ZNF550: variants seen among roughly 807,000 people sequenced by gnomAD.
ZNF550 encodes zinc finger protein 550.
Under a neutral mutation model 40.2 loss-of-function variants are expected in ZNF550, and 42 were observed. The observed-to-expected ratio is 1.05, with a 90% CI of 0.82 to 1.35. ZNF550 has a LOEUF of 1.35. Ranked by LOEUF, ZNF550 falls within the 40% of genes most tolerant of loss-of-function variation. ZNF550 has a pLI of 0.00. For missense variants in ZNF550, 549 were observed against 525.2 expected (o/e 1.05, Z -0.44); for synonymous variants, 223 against 198.6 (o/e 1.12, Z -1.03).
rs1488861056 is a variant in ZNF550 at position 57,554,738 on chromosome 19, T to A, written c.154+1493A>T. On this transcript the variant is annotated intron_variant, in intron 2 of 4. Transcript: ENST00000457177. The surrounding 1 kb of genome is among the most constrained non-coding windows in gnomAD (Gnocchi z 4.5). ...GTGCTACATGCCTGGCTTTGAGTTCTGGGACAGGGCTGTGGGAAAGGTGAA... is the reference window on the plus strand; with the variant it reads ...GTGCTACATGCCTGGCTTTGAGTTCAGGGACAGGGCTGTGGGAAAGGTGAA... 3 of 152,268 alleles carry A rather than the reference T, an allele frequency of 2.0e-5. No homozygotes were observed. The highest frequency in any genetic ancestry group is 7.2e-5 in the African/African-American group (3 of 41,462). The allele number at this position is 152,268 out of a possible 1,614,324, so 9.4% of individuals were successfully genotyped here. A position where few individuals can be genotyped will look rare whatever the true frequency, so the allele number is the denominator to read the frequency against.
At chr19:57,551,281 A>G (rs2090070628) in intron 3 of ZNF550, among the ~76,000 whole-genome samples, 1 of 152,126 alleles carries the variant, frequency 6.6e-6, no homozygotes, top group Non-Finnish European at 1.5e-5. Context: ...GCTGCTGGGG[A>G]AGTGGTGAAA....
exon 4 of ZNF550, chr19:57,547,548 T>C (rs1289531186): frequency 3.1e-6 from 5 of 1,614,088 alleles, no homozygotes; most frequent in Non-Finnish European, 4.2e-6. Flanking sequence ...ATGCATTGCA[T>C]TCATAGGGTT....
chr19:57,547,192 G>T (rs1240758433), exon 4 of ZNF550: 1 of 1,611,526 alleles, frequency 6.2e-7, no homozygotes, highest in African/African-American at 1.3e-5. Flanking sequence ...GCATCTGAAG[G>T]CCTTTCCACA....
chr19:57,546,877 A>C (rs1330721336), exon 4 of ZNF550: 11 of 1,459,936 alleles, frequency 7.5e-6, no homozygotes, highest in East Asian at 2.3e-5. Flanking sequence ...CATTCTTTGC[A>C]TTCGAAGGAC....
At chr19:57,546,878 T>C (rs1548475) in exon 4 of ZNF550, 1,096,116 of 1,456,592 alleles carry the variant, frequency 0.75, 414,558 homozygotes, top group South Asian at 0.91. Flanking sequence ...ATTCTTTGCA[T>C]TCGAAGGACT....
chr19:57,552,714 C>T (rs1331129537), exon 3 of ZNF550: 5 of 1,597,752 alleles, frequency 3.1e-6, no homozygotes, highest in African/African-American at 2.7e-5. Flanking sequence ...GGTTTGGGAA[C>T]CCGATGCCCT....
chr19:57,546,800 C>T, exon 4 of ZNF550: 1 of 1,389,628 alleles, frequency 7.2e-7, no homozygotes, highest in Non-Finnish European at 9.3e-7. Context: ...CACAGGGCTT[C>T]TCTCCAAAGT....
In ZNF550 at chr19:57,547,077, G is replaced by A. The variant is rs116624281; in HGVS notation, c.1167C>T (p.His389=). The A allele has an allele frequency of 2.2e-3, 3,515 of 1,613,874 alleles. 77 individuals are homozygous for A. In the African/African-American group the frequency reaches 0.042, roughly 19 times the overall value. The change falls in exon 4 of 5, where the codon CAC becomes CAT. Residue 389 remains histidine, a synonymous_variant. Transcript: ENST00000457177. ...GCATCTCCCCAGTGTGGATGACAGA[G>A]TGCTGAATGAGGTACGTGCTCCGGT... is the stretch of plus-strand genomic sequence containing the variant.
At position 57,547,513 on chromosome 19, in the gene ZNF550, G is replaced by C; in HGVS notation, c.731C>G (p.Ser244Ter). ...GATGAGGTAGTGCCGAATGAGAGTTGAGCTCTGGCTAAAGGCTTTCCCACA... is the reference window on the plus strand; with the variant it reads ...GATGAGGTAGTGCCGAATGAGAGTTCAGCTCTGGCTAAAGGCTTTCCCACA... The change falls in exon 4 of 5, where the codon TCA becomes TGA. Residue 244 changes from serine (S) to a stop codon, truncating the protein, a stop_gained. Transcript: ENST00000457177. LOFTEE classifies it high-confidence loss of function. 6.2e-7 allele frequency: 1 copy of C among 1,614,012 alleles called. No homozygotes were observed.
At chr19:57,543,340 C>T in intron 4 of ZNF550, 1 of 311,014 alleles carries the variant, frequency 3.2e-6, no homozygotes, top group Non-Finnish European at 4.7e-6. Context: ...CATCCCTTCC[C>T]TCCCTCTACA....
intron 1 of ZNF550, chr19:57,557,190 A>G (rs1289597454): frequency 6.6e-6 from 1 of 151,860 alleles, no homozygotes; most frequent in African/African-American, 2.4e-5. Flanking sequence ...TTGAGATAAG[A>G]GGAAGGCATC....
At chr19:57,544,584 C>G in intron 4 of ZNF550, 1 of 985,126 alleles carries the variant, frequency 1.0e-6, no homozygotes, top group African/African-American at 1.7e-5. Flanking sequence ...GCACTCTGTC[C>G]TGAAAAAACA....
At chr19:57,559,067 C>T (rs1405911155) in intron 1 of ZNF550, among the ~76,000 whole-genome samples, 31 of 152,186 alleles carry the variant, frequency 2.0e-4, no homozygotes, top group Non-Finnish European at 2.9e-5. Flanking sequence ...CTTTCAGCCG[C>T]TGCCCTTCGT....
intron 1 of ZNF550, 31 bp downstream of exon 1, chr19:57,559,625 T>C: frequency 6.8e-7 from 1 of 1,467,830 alleles, no homozygotes; most frequent in Non-Finnish European, 9.1e-7. Context: ...TGAGGCCGGG[T>C]GGCCGCGGGG....
chr19:57,552,515 G>C (rs1284649958), intron 3 of ZNF550, 112 bp downstream of exon 3: 1 of 795,406 alleles, frequency 1.3e-6, no homozygotes, highest in Non-Finnish European at 2.0e-6. Flanking sequence ...GAAACAACCA[G>C]GCCCCCGGAA....
At chr19:57,555,681 T>G (rs946792470) in intron 2 of ZNF550, 1 of 162,744 alleles carries the variant, frequency 6.1e-6, no homozygotes, top group African/African-American at 2.4e-5. Context: ...ACAGAGAAAG[T>G]AAAAGGAATG....
At chr19:57,557,519 CAATA>C (rs978534339) in intron 1 of ZNF550, 1 of 152,142 alleles carries the variant, frequency 6.6e-6, no homozygotes, top group Non-Finnish European at 1.5e-5. Flanking sequence ...AGATAGTGAT[CAATA>C]AATACTGAGA....
chr19:57,546,508 A>C, exon 4 of ZNF550: 1 of 989,298 alleles, frequency 1.0e-6, no homozygotes, highest in Non-Finnish European at 1.2e-6. Context: ...AGGTGGGTCA[A>C]ATTCCAGCAT....
intron 2 of ZNF550, chr19:57,555,155 A>G (rs866577248): frequency 3.3e-5 from 5 of 152,278 alleles, no homozygotes; most frequent in East Asian, 1.9e-4. Context: ...GAGAAAGTCA[A>G]TTTCCCTTCC....
Sources: allele counts gnomAD v4.1 joint callset (sites outside exome capture counted in the v4.1 genomes callset), GRCh38; gene constraint gnomAD v4.1.1; non-coding constraint Gnocchi (gnomAD v3.1); transcripts MANE v1.5; gene names NCBI Gene and HGNC (gene_info 2026-07-23, HGNC 2026-07-21).